The following WNK1 variants were observed in gnomAD, a reference collection of about 807,000 sequenced individuals.
The protein encoded by WNK1 is serine/threonine-protein kinase WNK1.
A neutral mutation model predicts 222.8 loss-of-function variants in WNK1; 38 were observed. The observed-to-expected ratio is 0.17, with a 90% CI of 0.13 to 0.22. The LOEUF (loss-of-function observed/expected upper bound fraction) is 0.22, where lower values mean the gene tolerates loss of function less well. Among genes scored for constraint, WNK1 ranks in the 10% least tolerant of loss-of-function variants. The pLI, the probability that WNK1 is intolerant of heterozygous loss-of-function variation, is 1.00. For missense variants in WNK1, 2,348 were observed against 2,918.4 expected, an observed-to-expected ratio of 0.80 and a Z score of 4.50; for synonymous variants, 1,090 against 1,092.9, an observed-to-expected ratio of 1.00 and a Z score of 0.05.
chr12:901,478 C>A, intron 26 of WNK1: 1 of 1,006,822 alleles, frequency 9.9e-7, no homozygotes, highest in Non-Finnish European at 1.3e-6. Flanking sequence ...TTTCACCACT[C>A]CAGCCTCAAG....
intron 10 of WNK1, among the ~76,000 whole-genome samples, chr12:878,829 C>T (rs887112199): frequency 6.6e-6 from 1 of 151,580 alleles, no homozygotes; most frequent in Non-Finnish European, 1.5e-5. Flanking sequence ...GAGAAGTACC[C>T]TGTAGAAGGT....
At chr12:815,624 A>G (rs541260785) in intron 2 of WNK1, among the ~76,000 whole-genome samples, 1 of 152,330 alleles carries the variant, frequency 6.6e-6, no homozygotes, top group South Asian at 2.1e-4. Flanking sequence ...ATTCTACTGG[A>G]AGTGTCTAAT....
chr12:805,899 A>G (rs1946328378), intron 1 of WNK1, among the ~76,000 whole-genome samples: 1 of 152,098 alleles, frequency 6.6e-6, no homozygotes, highest in Admixed American at 6.6e-5. Flanking sequence ...AGAACCCAAA[A>G]TTCTTTTTTC....
In WNK1 at chr12:757,804, G is replaced by A. The variant is rs1214133904; in HGVS notation, c.759+3480G>A. Among the ~76,000 whole-genome samples the A allele has an allele frequency of 1.4e-5, 2 of 146,962 alleles. 1 individual carries two copies. Among genetic ancestry groups the A allele is most frequent in the Non-Finnish European group, 3.0e-5 (2 of 65,802 alleles). Reference sequence around the variant, plus strand: ...TGTAATCCCAGCACTTTGGGAGGCCGAGGCGGGTGGATCACGCGGTCAGGA... The same window carrying A: ...TGTAATCCCAGCACTTTGGGAGGCCAAGGCGGGTGGATCACGCGGTCAGGA... On this transcript the variant is annotated intron_variant, in intron 1 of 27. Transcript: ENST00000315939.
chr12:832,000 A>G (rs1309283573), intron 4 of WNK1, among the ~76,000 whole-genome samples: 2 of 152,064 alleles, frequency 1.3e-5, no homozygotes, highest in African/African-American at 4.8e-5. Context: ...ATTTTGATAT[A>G]GAAGATGTAA....
intron 22 of WNK1, among the ~76,000 whole-genome samples, chr12:890,726 C>T (rs1954143879): frequency 6.6e-6 from 1 of 151,980 alleles, no homozygotes; most frequent in Non-Finnish European, 1.5e-5. Flanking sequence ...ATGATAAGAC[C>T]CTTCATTATT....
In WNK1 at chr12:908,861, G is replaced by GGGGGGGGGGGGGGGCCCC; in HGVS notation, c.*69_*70insGGGGGGGGGGGGGGCCCC. On this transcript the variant is annotated 3_prime_UTR_variant, in exon 28 of 28. Transcript: ENST00000315939. ...ATGCTGAGGGGGTGGGTGGGGGTGG[G>GGGGGGGGGGGGGGGCCCC]AAGTAGCCTATATACTAACTACTAG... is the stretch of plus-strand genomic sequence containing the variant. The GGGGGGGGGGGGGGGCCCC allele has an allele frequency of 1.0e-5, 5 of 491,842 alleles. No homozygotes were observed. Among genetic ancestry groups the GGGGGGGGGGGGGGGCCCC allele is most frequent in the East Asian group, 6.0e-5 (1 of 16,748 alleles). The allele number at this position is 491,842 out of a possible 1,614,324, so 30.5% of individuals were successfully genotyped here.
chr12:834,672 T>C (rs1024753693), intron 4 of WNK1, among the ~76,000 whole-genome samples: 1 of 152,230 alleles, frequency 6.6e-6, no homozygotes, highest in Non-Finnish European at 1.5e-5. Context: ...TTTTGTTCTC[T>C]GTAAAAGAGA....
In WNK1 at chr12:859,096, C is replaced by T. The variant is rs11064572; in HGVS notation, c.1401-149C>T. ...AACCTCTGTAGGCACCCTTCAAATT[C>T]AGCAATGTAAAAATGAGTTATACTT... On this transcript the variant is annotated intron_variant, in intron 5 of 27. Transcript: ENST00000315939. 775 of 680,398 alleles carry T rather than the reference C, an allele frequency of 1.1e-3. 5 individuals are homozygous for T. The African/African-American group carries it at 0.013, about 11-fold the overall frequency. The allele number at this position is 680,398 out of a possible 1,614,324, so 42.1% of individuals were successfully genotyped here.
intron 8 of WNK1, among the ~76,000 whole-genome samples, chr12:863,574 T>C (rs1267830834): frequency 6.6e-6 from 1 of 152,110 alleles, no homozygotes; most frequent in Non-Finnish European, 1.5e-5. Context: ...TAAAATTTTC[T>C]CTTGTCTATA....
At position 779,977 on chromosome 12, in the gene WNK1, A is replaced by G. The variant is rs1422491101; in HGVS notation, c.759+25653A>G. ...GTTAAGCAATTTTTTAAAATTTGGAATTTTGTGGATAATCATTAACAGAGT... is the reference window on the plus strand; with the variant it reads ...GTTAAGCAATTTTTTAAAATTTGGAGTTTTGTGGATAATCATTAACAGAGT... On this transcript the variant is annotated intron_variant, in intron 1 of 27. Coordinates refer to ENST00000315939, the MANE Select transcript of WNK1 (RefSeq NM_018979.4). Among the ~76,000 whole-genome samples, 4 of 152,310 alleles carry G rather than the reference A, an allele frequency of 2.6e-5. No individual in the cohort carries two copies. In the East Asian group the frequency reaches 7.7e-4, roughly 29 times the overall value.
intron 1 of WNK1, among the ~76,000 whole-genome samples, chr12:762,313 G>A (rs1329945642): frequency 1.4e-5 from 2 of 147,376 alleles, no homozygotes; most frequent in Admixed American, 1.4e-4. Context: ...ATCTGCCTCT[G>A]CCTCCCAAAA....
rs533436112 is a variant in WNK1, at chr12:812,122, A to G, written c.760-1520A>G. On this transcript the variant is annotated intron_variant, in intron 1 of 27. Coordinates refer to ENST00000315939, the MANE Select transcript of WNK1 (RefSeq NM_018979.4). Reference sequence around the variant, plus strand: ...ATAAGTAGTTGGCAGCTTTTTTACAATAAGCTTTTACAAACCATTTTTAAA... The same window carrying G: ...ATAAGTAGTTGGCAGCTTTTTTACAGTAAGCTTTTACAAACCATTTTTAAA... Among the ~76,000 whole-genome samples the G allele has an allele frequency of 3.3e-5, 5 of 152,306 alleles. No individual in the cohort carries two copies. The South Asian group carries it at 1.0e-3, about 32-fold the overall frequency.
chr12:884,230 A>G lies in WNK1; in HGVS notation c.3831A>G (p.Glu1277=). 1 of 1,614,146 alleles carries G rather than the reference A, an allele frequency of 6.2e-7. No individual in the cohort carries two copies. The highest frequency in any genetic ancestry group is 8.5e-7 in the Non-Finnish European group (1 of 1,179,994). ...GAGAATCAAAAGTTTTCCCCAGTGA[A>G]ATAACAGATACAGGTAAGGGATTGA... ...RLRESKVFPS[E]ITDTVAASTA... Residue 1277 remains glutamate (E), a synonymous_variant, in exon 18 of 28, where the codon GAA becomes GAG. Transcript: ENST00000315939. The surrounding 1 kb of genome is among the most constrained non-coding windows in gnomAD (Gnocchi z 5.6).
At chr12:833,374 G>A (rs935048712) in intron 4 of WNK1, among the ~76,000 whole-genome samples, 4 of 152,202 alleles carry the variant, frequency 2.6e-5, no homozygotes, top group African/African-American at 7.2e-5. Flanking sequence ...ATCAGAGCAA[G>A]TACAAATTCT....
chr12:883,878 A>G (rs550423206), intron 17 of WNK1, 47 bp downstream of exon 17: 3 of 1,604,766 alleles, frequency 1.9e-6, no homozygotes, highest in Admixed American at 3.3e-5. Context: ...TTAAGAAGCC[A>G]TTAGCCGAGG....
In WNK1 at chr12:752,983, C is replaced by G. The variant is rs1591537666; in HGVS notation, c.-583C>G. 6.6e-6 allele frequency: 1 copy of G among 152,148 alleles called. No individual in the cohort carries two copies. Among genetic ancestry groups the G allele is most frequent in the African/African-American group, 2.4e-5 (1 of 41,442 alleles). 9.4% of individuals were successfully genotyped at this position (152,148 alleles called of 1,614,324 possible). A position where few individuals can be genotyped will look rare whatever the true frequency, so the allele number is the denominator to read the frequency against. ...AGGCCGGTCCCCATCGCTGGGGGCG[C>G]GTGTGGGAGGAGGCGGCCGCCCGAG... On this transcript the variant is annotated 5_prime_UTR_variant, in exon 1 of 28. Coordinates refer to ENST00000315939, the MANE Select transcript of WNK1 (RefSeq NM_018979.4).
chr12:791,842 A>G lies in WNK1; in HGVS notation c.760-21800A>G, dbSNP rs77221179. ...TTTTAGCCTTTTTATTTTTATACAT[A>G]TGGTTGTCCAAGAGTCATGTATTAA... is the stretch of plus-strand genomic sequence containing the variant. On this transcript the variant is annotated intron_variant, in intron 1 of 27. Coordinates refer to ENST00000315939, the MANE Select transcript of WNK1 (RefSeq NM_018979.4). Among the ~76,000 whole-genome samples the G allele has an allele frequency of 4.2e-3, 636 of 152,168 alleles. 4 individuals carry two copies. Among genetic ancestry groups the G allele is most frequent in the African/African-American group, 0.014 (598 of 41,508 alleles).
At chr12:857,599 C>G (rs897347274) in intron 5 of WNK1, among the ~76,000 whole-genome samples, 3 of 152,178 alleles carry the variant, frequency 2.0e-5, no homozygotes, top group Admixed American at 6.5e-5. Flanking sequence ...CCATTGAATT[C>G]TAAGTGGTGA....
Sources: allele counts gnomAD v4.1 joint callset (sites outside exome capture counted in the v4.1 genomes callset), GRCh38; gene constraint gnomAD v4.1.1; non-coding constraint Gnocchi (gnomAD v3.1); transcripts MANE v1.5; gene names NCBI Gene and HGNC (gene_info 2026-07-23, HGNC 2026-07-21).